Variants in ZSWIM5 observed in about 807,000 individuals in gnomAD.
ZSWIM5 encodes zinc finger SWIM domain-containing protein 5.
ZSWIM5 carries 55 observed loss-of-function variants against 119.6 expected under a neutral mutation model. The observed-to-expected ratio is 0.46, with a 90% CI of 0.37 to 0.58. The LOEUF is 0.58. Ranked by LOEUF, ZSWIM5 falls within the 20% of genes least tolerant of loss-of-function variation. The pLI is 0.00. For synonymous variants in ZSWIM5, 537 were observed against 606.9 expected (o/e 0.88, Z 1.69); for missense variants, 1,193 against 1,512.8 (o/e 0.79, Z 3.51).
chr1:45,096,540 A>ACACACG (rs1266802700), intron 1 of ZSWIM5, among the ~76,000 whole-genome samples: 1 of 142,740 alleles, frequency 7.0e-6, no homozygotes, highest in African/African-American at 2.9e-5. Context: ...CTATCAACAC[A>ACACACG]CACACACACA....
At chr1:45,099,762 A>G (rs1393131317) in intron 1 of ZSWIM5, among the ~76,000 whole-genome samples, 1 of 152,212 alleles carries the variant, frequency 6.6e-6, no homozygotes, top group African/African-American at 2.4e-5. Flanking sequence ...ATCAATAAAC[A>G]TAATCCGTCA....
chr1:45,131,738 A>AG (rs1456409425), intron 1 of ZSWIM5, among the ~76,000 whole-genome samples: 6 of 151,622 alleles, frequency 4.0e-5, no homozygotes, highest in African/African-American at 1.5e-4. Flanking sequence ...AAAAAAAAAA[A>AG]AAAAAAAAAT....
intron 5 of ZSWIM5, 28 bp from the exon 6 acceptor site, chr1:45,043,423 C>T (rs527397965): frequency 3.4e-5 from 55 of 1,605,392 alleles, no homozygotes; most frequent in Non-Finnish European, 4.5e-5. Context: ...TGCAGCAGTA[C>T]AGTGACAGGC....
intron 2 of ZSWIM5, among the ~76,000 whole-genome samples, chr1:45,076,922 T>C (rs1645259329): frequency 6.6e-6 from 1 of 152,068 alleles, no homozygotes; most frequent in South Asian, 2.1e-4. Flanking sequence ...GCCAATTGCA[T>C]TTTTCAGCTC....
At chr1:45,044,202 A>AAGAGAG (rs35643162) in intron 5 of ZSWIM5, among the ~76,000 whole-genome samples, 25 of 144,044 alleles carry the variant, frequency 1.7e-4, no homozygotes, top group African/African-American at 5.6e-4. Flanking sequence ...AAAAAAAAAA[A>AAGAGAG]AGAGAGAGAG....
chr1:45,203,121 CTACTTCTGATGCAGT>C (rs1284648133), intron 1 of ZSWIM5, among the ~76,000 whole-genome samples: 3 of 152,010 alleles, frequency 2.0e-5, no homozygotes, highest in Non-Finnish European at 4.4e-5. Context: ...AAAAGGAATA[CTACTTCTGATGCAGT>C]ACTTACATAA....
intron 1 of ZSWIM5, among the ~76,000 whole-genome samples, chr1:45,180,513 A>T (rs2149048618): frequency 6.6e-6 from 1 of 152,288 alleles, no homozygotes; most frequent in African/African-American, 2.4e-5. Flanking sequence ...GGGCACAGAC[A>T]AACAAAAAGA....
At chr1:45,132,332 A>C (rs550373388) in intron 1 of ZSWIM5, among the ~76,000 whole-genome samples, 17 of 152,130 alleles carry the variant, frequency 1.1e-4, no homozygotes, top group Admixed American at 2.0e-4. Flanking sequence ...ATAAGCAGTT[A>C]AAACTATTTT....
At chr1:45,033,975 C>T (rs11801218) in intron 11 of ZSWIM5, among the ~76,000 whole-genome samples, 36,034 of 151,748 alleles carry the variant, frequency 0.24, 4,577 homozygotes, top group Admixed American at 0.33. Context: ...CTGCCTCAGC[C>T]TCCCGAGTAG....
intron 2 of ZSWIM5, chr1:45,070,456 A>C: frequency 8.6e-7 from 1 of 1,156,544 alleles, no homozygotes; most frequent in Non-Finnish European, 1.2e-6. Context: ...GCTGTTCTCC[A>C]TAGGAATTTT....
rs951427487 is a variant in ZSWIM5, at chr1:45,153,105, A to G, written c.595+52651T>C. On this transcript the variant is annotated intron_variant, in intron 1 of 13. Coordinates refer to ENST00000359600, the MANE Select transcript of ZSWIM5 (RefSeq NM_020883.2). ...ACTATTAAAAAGTTAAAAAAAAAAA[A>G]AAAAAGAAAAAAGAAAAAACAGATG... 7.1e-4 allele frequency among the ~76,000 whole-genome samples: 108 copies of G among 151,422 alleles called. 1 individual carries two copies. The highest frequency in any genetic ancestry group is 1.2e-4 in the Non-Finnish European group (8 of 67,754).
At chr1:45,020,837 ACAGT>A in intron 11 of ZSWIM5, 49 bp from the exon 12 acceptor site, 2 of 1,586,286 alleles carry the variant, frequency 1.3e-6, no homozygotes, top group South Asian at 2.3e-5. Flanking sequence ...GTTTTACTAA[ACAGT>A]CAGCTGACTG....
intron 1 of ZSWIM5, among the ~76,000 whole-genome samples, chr1:45,089,623 T>C (rs1645352078): frequency 6.6e-6 from 1 of 152,216 alleles, no homozygotes; most frequent in South Asian, 2.1e-4. Context: ...ATGTTAATTT[T>C]CTTTTCATTA....
chr1:45,190,399 G>A (rs528335821), intron 1 of ZSWIM5, among the ~76,000 whole-genome samples: 2 of 152,220 alleles, frequency 1.3e-5, no homozygotes, highest in African/African-American at 2.4e-5. Flanking sequence ...AATCCATAAT[G>A]GAGATTAGAG....
chr1:45,137,343 CT>C (rs1355280869), intron 1 of ZSWIM5, among the ~76,000 whole-genome samples: 1 of 152,174 alleles, frequency 6.6e-6, no homozygotes, highest in Non-Finnish European at 1.5e-5. Context: ...GCCACAGCAT[CT>C]AATCCAAACA....
At position 45,115,203 on chromosome 1, in the gene ZSWIM5, C is replaced by T. The variant is rs1156375119; in HGVS notation, c.596-26966G>A. ...GGCCGCCGGGCAGAGGGGCTCCTCA[C>T]TTCCCAGATGGGGCAGCCAGGCAGA... On this transcript the variant is annotated intron_variant, in intron 1 of 13. Transcript: ENST00000359600. Among the ~76,000 whole-genome samples the T allele has an allele frequency of 2.0e-5, 3 of 151,952 alleles. No homozygotes were observed. The East Asian group carries it at 5.8e-4, about 29-fold the overall frequency.
intron 11 of ZSWIM5, among the ~76,000 whole-genome samples, chr1:45,025,168 T>C (rs993515475): frequency 7.2e-5 from 11 of 152,236 alleles, no homozygotes; most frequent in Non-Finnish European, 1.6e-4. Flanking sequence ...TCTGAGCTTT[T>C]AATTTTGTTC....
intron 11 of ZSWIM5, among the ~76,000 whole-genome samples, chr1:45,022,017 G>A (rs577034051): frequency 1.3e-4 from 4 of 30,762 alleles, no homozygotes; most frequent in South Asian, 3.7e-3. Flanking sequence ...GTGAGACTCC[G>A]TCTCAAAAAA....
chr1:45,090,845 A>G (rs1034485831), intron 1 of ZSWIM5, among the ~76,000 whole-genome samples: 6 of 151,726 alleles, frequency 4.0e-5, no homozygotes, highest in African/African-American at 1.5e-4. Flanking sequence ...GAAAAAAAAA[A>G]AGAACTAAAG....
Sources: allele counts gnomAD v4.1 joint callset (sites outside exome capture counted in the v4.1 genomes callset), GRCh38; gene constraint gnomAD v4.1.1; transcripts MANE v1.5; gene names NCBI Gene and HGNC (gene_info 2026-07-23, HGNC 2026-07-21).